DCAF6: variants seen among roughly 807,000 people sequenced by gnomAD.
DCAF6 encodes the protein DDB1- and CUL4-associated factor 6.
DCAF6 carries 54 observed loss-of-function variants against 125.1 expected under a neutral mutation model. The ratio of observed to expected loss-of-function variants is 0.43; its 90% CI spans 0.35 to 0.54. The LOEUF (loss-of-function observed/expected upper bound fraction) is 0.54, where lower values mean the gene tolerates loss of function less well. Ranked by LOEUF, DCAF6 falls within the 20% of genes least tolerant of loss-of-function variation. DCAF6 has a pLI of 0.01. For synonymous variants in DCAF6, 371 were observed against 390.4 expected, an observed-to-expected ratio of 0.95 and a Z score of 0.58; for missense variants, 934 against 1,161.7, an observed-to-expected ratio of 0.80 and a Z score of 2.85.
intron 11 of DCAF6, among the ~76,000 whole-genome samples, chr1:168,021,168 A>G (rs2103227701): frequency 6.6e-6 from 1 of 152,268 alleles, no homozygotes; most frequent in South Asian, 2.1e-4. Flanking sequence ...TAAAAATAAG[A>G]TGCATTTTAT....
At chr1:167,872,257 G>T in the DCAF6 span, among the ~76,000 whole-genome samples, 1 of 152,008 alleles carries the variant, frequency 6.6e-6, no homozygotes, top group Non-Finnish European at 1.5e-5. Context: ...AGAATTGCTT[G>T]AACCTGGGAG....
At position 168,066,403 on chromosome 1, in the gene DCAF6, G is replaced by A; in HGVS notation, c.2623G>A (p.Asp875Asn). ...PILASSGIDY[D>N]IKIWSPLEES... ...TTTAGCCTCATCTGGCATAGATTAT[G>A]ACATAAAGATCTGGTCACCATTAGA... is the stretch of plus-strand genomic sequence containing the variant. Residue 875 changes from aspartate to asparagine, a missense_variant, in exon 20 of 22, where the codon GAC (aspartate) becomes AAC (asparagine). Transcript: ENST00000367840. The A allele has an allele frequency of 6.2e-7, 1 of 1,608,172 alleles. No individual in the cohort carries two copies. The highest frequency in any genetic ancestry group is 8.5e-7 in the Non-Finnish European group (1 of 1,176,980).
chr1:167,943,067 C>T (rs1330853939), intron 1 of DCAF6, among the ~76,000 whole-genome samples: 14 of 152,138 alleles, frequency 9.2e-5, no homozygotes, highest in East Asian at 7.7e-4. Flanking sequence ...CCACCACGCC[C>T]GGCTAATTTT....
At chr1:167,935,916 C>G (rs1671147625), upstream of DCAF6, 2 of 1,176,196 alleles carry the variant, frequency 1.7e-6, no homozygotes, top group Non-Finnish European at 2.5e-6. Context: ...CGAAGGGGAG[C>G]TAGTCACTTT....
At chr1:167,893,520 C>G in the DCAF6 span, among the ~76,000 whole-genome samples, 2 of 151,736 alleles carry the variant, frequency 1.3e-5, no homozygotes, top group African/African-American at 4.8e-5. Context: ...TGAGATCAGT[C>G]AGGCCAACAT....
intron 1 of DCAF6, among the ~76,000 whole-genome samples, chr1:167,946,087 G>T (rs1340579007): frequency 6.6e-6 from 1 of 151,104 alleles, no homozygotes; most frequent in Non-Finnish European, 1.5e-5. Context: ...CTCCCGAGTA[G>T]CTGGGATTAC....
At chr1:167,871,444 C>T in the DCAF6 span, among the ~76,000 whole-genome samples, 5 of 152,276 alleles carry the variant, frequency 3.3e-5, no homozygotes, top group African/African-American at 9.6e-5. Context: ...ATAAAAATCA[C>T]CTTGGGTTAC....
upstream of DCAF6, among the ~76,000 whole-genome samples, chr1:167,932,808 C>CAAAAAA (rs965449372): frequency 1.3e-4 from 7 of 54,612 alleles, no homozygotes; most frequent in African/African-American, 2.2e-4. Context: ...GACTCTGTCT[C>CAAAAAA]AAAAAAAAAA....
chr1:167,970,517 A>G (rs1444047824), intron 3 of DCAF6, among the ~76,000 whole-genome samples: 1 of 152,170 alleles, frequency 6.6e-6, no homozygotes, highest in Non-Finnish European at 1.5e-5. Context: ...ATGTGGTGGC[A>G]CATGCCTGTA....
chr1:167,885,008 T>C, the DCAF6 span, among the ~76,000 whole-genome samples: 2 of 152,196 alleles, frequency 1.3e-5, no homozygotes, highest in African/African-American at 4.8e-5. Flanking sequence ...ATAGTTTTAA[T>C]TTTTAGCTCC....
intron 11 of DCAF6, chr1:168,019,838 AAAC>A (rs1685463723): frequency 6.0e-6 from 1 of 167,922 alleles, no homozygotes; most frequent in Admixed American, 5.9e-5. Flanking sequence ...AGCAGGCTCT[AAAC>A]AACACCAGAT....
intron 8 of DCAF6, among the ~76,000 whole-genome samples, chr1:168,002,889 CCTTT>C (rs1357724759): frequency 6.6e-5 from 10 of 151,970 alleles, no homozygotes; most frequent in African/African-American, 2.4e-4. Flanking sequence ...GCAGTTTTTG[CCTTT>C]CTATTAGATA....
chr1:167,966,299 C>T (rs931993544), intron 2 of DCAF6, among the ~76,000 whole-genome samples: 14 of 152,196 alleles, frequency 9.2e-5, no homozygotes, highest in African/African-American at 2.7e-4. Context: ...GTCTAACACA[C>T]GGCCCGTGGG....
chr1:168,020,114 G>A (rs1178786928), intron 11 of DCAF6, among the ~76,000 whole-genome samples: 3 of 152,120 alleles, frequency 2.0e-5, no homozygotes, highest in African/African-American at 7.2e-5. Context: ...TGAAAAATAG[G>A]CAAGTAATGA....
chr1:168,072,523 A>G lies in DCAF6; in HGVS notation c.2792-2848A>G, dbSNP rs150993504. ...ACAGGTGGTACCTTGTTTGTTGTCTATCTTCCTCCTTAGAAAGTAAGCTTA... is the reference window on the plus strand; with the variant it reads ...ACAGGTGGTACCTTGTTTGTTGTCTGTCTTCCTCCTTAGAAAGTAAGCTTA... On this transcript the variant is annotated intron_variant, in intron 21 of 21. Transcript: ENST00000367840. Among the ~76,000 whole-genome samples the G allele has an allele frequency of 1.6e-4, 25 of 152,208 alleles. No homozygotes were observed. The East Asian group carries it at 3.7e-3, about 22-fold the overall frequency.
At chr1:167,951,777 A>G (rs767517350) in intron 1 of DCAF6, 23 bp from the exon 2 acceptor site, 2 of 1,455,638 alleles carry the variant, frequency 1.4e-6, no homozygotes, top group South Asian at 1.2e-5. Flanking sequence ...GATTTATTTA[A>G]TTTGTTCTTT....
chr1:167,935,975 G>A, upstream of DCAF6: 1 of 699,182 alleles, frequency 1.4e-6, no homozygotes. Context: ...TACCCTTCCC[G>A]CGGCTTTCCC....
At chr1:168,027,266 C>T (rs1320200343) in intron 12 of DCAF6, among the ~76,000 whole-genome samples, 4 of 151,970 alleles carry the variant, frequency 2.6e-5, no homozygotes, top group Non-Finnish European at 4.4e-5. Flanking sequence ...ATTGAAAGAG[C>T]AAAGATAATG....
At position 168,058,448 on chromosome 1, in the gene DCAF6, A is replaced by T. The variant is rs751292439; in HGVS notation, c.2301-5173A>T. On this transcript the variant is annotated intron_variant, in intron 17 of 21. Coordinates refer to ENST00000367840, the MANE Select transcript of DCAF6 (RefSeq NM_001198956.2). ...TCACATCACTGATTCTTGTTGTCAC[A>T]TATCTTGATTTTTCTAATTGATTTG... 2.6e-5 allele frequency among the ~76,000 whole-genome samples: 4 copies of T among 152,338 alleles called. No individual in the cohort carries two copies. In the East Asian group the frequency reaches 7.7e-4, roughly 29 times the overall value.
Sources: gnomAD v4.1 joint callset for allele counts (sites outside exome capture counted in the v4.1 genomes callset) on GRCh38, gnomAD v4.1.1 for gene constraint, MANE v1.5 for transcripts, NCBI Gene and HGNC (gene_info 2026-07-23, HGNC 2026-07-21) for gene names.